Variants in PLXNA4 observed in about 807,000 individuals in gnomAD.
PLXNA4 encodes the protein plexin-A4.
In PLXNA4, 44 loss-of-function variants were observed where a neutral mutation model predicts 191.8. The ratio of observed to expected loss-of-function variants is 0.23; its 90% CI spans 0.18 to 0.29. The LOEUF is 0.29. PLXNA4 is among the 10% of genes least tolerant of loss of function. The probability of loss-of-function intolerance (pLI) is 1.00; values close to 1 mark genes in which losing one functional copy is unlikely to be tolerated. For missense variants in PLXNA4, 1,800 were observed against 2,488.8 expected (o/e 0.72, Z 5.89); for synonymous variants, 1,082 against 1,009.5 (o/e 1.07, Z -1.36).
intron 3 of PLXNA4, among the ~76,000 whole-genome samples, chr7:132,363,023 C>T (rs1487134620): frequency 2.0e-5 from 3 of 152,174 alleles, no homozygotes; most frequent in African/African-American, 4.8e-5. Flanking sequence ...CTCACTCTGT[C>T]GCCCAGGCTG....
chr7:132,455,231 C>T (rs573597434), intron 3 of PLXNA4, among the ~76,000 whole-genome samples: 45 of 152,306 alleles, frequency 3.0e-4, no homozygotes, highest in Non-Finnish European at 5.9e-4. Flanking sequence ...AAGCATGAAG[C>T]CCAGACAGCC....
At chr7:132,493,351 T>C (rs2117555800) in intron 2 of PLXNA4, among the ~76,000 whole-genome samples, 1 of 152,306 alleles carries the variant, frequency 6.6e-6, no homozygotes, top group South Asian at 2.1e-4. Context: ...GCCATGGTTA[T>C]GATAACCCTT....
At chr7:132,399,099 A>G (rs1240764084) in intron 3 of PLXNA4, among the ~76,000 whole-genome samples, 2 of 152,154 alleles carry the variant, frequency 1.3e-5, no homozygotes, top group African/African-American at 2.4e-5. Flanking sequence ...TAAAGTACAG[A>G]GGTCCCTGCT....
At chr7:132,480,157 G>T (rs1797282354) in intron 3 of PLXNA4, among the ~76,000 whole-genome samples, 1 of 152,170 alleles carries the variant, frequency 6.6e-6, no homozygotes, top group Non-Finnish European at 1.5e-5. Context: ...TAACATTTGT[G>T]AGCACACCTT....
rs367547561 is a variant in PLXNA4 at position 132,148,665 on chromosome 7, C to T, written c.4661-19G>A. The T allele has an allele frequency of 9.9e-6, 16 of 1,613,834 alleles. No homozygotes were observed. Among genetic ancestry groups the T allele is most frequent in the African/African-American group, 2.7e-5 (2 of 74,894 alleles). On this transcript the variant is annotated intron_variant, in intron 25 of 31. Coordinates refer to ENST00000321063, the MANE Select transcript of PLXNA4 (RefSeq NM_020911.2). ...CGCCACTCTGCCAAAAGAGCGGTGG[C>T]GTTTCAGAGAGGCCCTATGACCCCT...
chr7:132,344,059 T>C (rs971374286), intron 3 of PLXNA4, among the ~76,000 whole-genome samples: 11 of 152,162 alleles, frequency 7.2e-5, no homozygotes, highest in Non-Finnish European at 1.6e-4. Context: ...TAGTACCCAA[T>C]GGCCAACTTG....
At chr7:132,290,834 G>A (rs1240405798) in intron 4 of PLXNA4, among the ~76,000 whole-genome samples, 2 of 152,182 alleles carry the variant, frequency 1.3e-5, no homozygotes, top group African/African-American at 2.4e-5. Flanking sequence ...CCGGAACATG[G>A]CATTTGCTGC....
At chr7:132,276,012 G>A (rs1210807721) in intron 4 of PLXNA4, among the ~76,000 whole-genome samples, 1 of 152,168 alleles carries the variant, frequency 6.6e-6, no homozygotes, top group Non-Finnish European at 1.5e-5. Flanking sequence ...AGTGTGAACT[G>A]GCCCCTCCCT....
intron 4 of PLXNA4, among the ~76,000 whole-genome samples, chr7:132,250,082 G>C (rs1185182512): frequency 6.6e-6 from 1 of 152,194 alleles, no homozygotes. Flanking sequence ...TTTGGATCCT[G>C]GATCTGCCAC....
intron 10 of PLXNA4, among the ~76,000 whole-genome samples, chr7:132,206,384 C>T (rs111344815): frequency 1.3e-5 from 2 of 151,760 alleles, no homozygotes; most frequent in African/African-American, 4.8e-5. Flanking sequence ...GTTTCTGTGC[C>T]AGACCCTTAA....
chr7:132,306,121 C>T (rs1051182765), intron 3 of PLXNA4, among the ~76,000 whole-genome samples: 22 of 152,150 alleles, frequency 1.4e-4, no homozygotes, highest in Non-Finnish European at 1.5e-5. Context: ...GAGGTCAGGC[C>T]TTGCTCACAG....
intron 4 of PLXNA4, among the ~76,000 whole-genome samples, chr7:132,287,256 G>A (rs1429983344): frequency 3.3e-5 from 5 of 152,084 alleles, no homozygotes; most frequent in African/African-American, 7.2e-5. Flanking sequence ...GGCTGTTCTC[G>A]AACTCCTGAG....
chr7:132,334,732 A>G (rs368042798), intron 3 of PLXNA4, among the ~76,000 whole-genome samples: 10 of 152,082 alleles, frequency 6.6e-5, no homozygotes, highest in African/African-American at 2.4e-4. Flanking sequence ...TCTCCCATTC[A>G]TGTGGATAAT....
intron 3 of PLXNA4, among the ~76,000 whole-genome samples, chr7:132,489,048 C>T (rs1358081500): frequency 6.6e-6 from 1 of 152,222 alleles, no homozygotes; most frequent in Non-Finnish European, 1.5e-5. Context: ...GCTGGTCTGA[C>T]ACCTCTCATG....
chr7:132,272,050 C>T (rs550642882), intron 4 of PLXNA4, among the ~76,000 whole-genome samples: 17 of 152,234 alleles, frequency 1.1e-4, no homozygotes, highest in African/African-American at 3.6e-4. Flanking sequence ...ACACTTGTTA[C>T]CAGGAGGAGA....
chr7:132,246,768 AATCATC>A (rs34617807), intron 4 of PLXNA4, among the ~76,000 whole-genome samples: 5,032 of 149,952 alleles, frequency 0.034, 197 homozygotes, highest in East Asian at 0.096. Flanking sequence ...TTGTACATGC[AATCATC>A]ATCATCATCA....
At chr7:132,207,031 C>T (rs62468397) in intron 10 of PLXNA4, among the ~76,000 whole-genome samples, 4,656 of 152,226 alleles carry the variant, frequency 0.031, 82 homozygotes, top group Middle Eastern at 0.041. Context: ...AATGAGACCT[C>T]GATATAACTG....
chr7:132,264,060 C>T (rs1229586388), intron 4 of PLXNA4: 1 of 152,104 alleles, frequency 6.6e-6, no homozygotes, highest in Non-Finnish European at 1.5e-5. Flanking sequence ...TTCATCTGCT[C>T]GTCATTATTT....
At chr7:132,408,427 T>C (rs1016028964) in intron 3 of PLXNA4, among the ~76,000 whole-genome samples, 5 of 148,996 alleles carry the variant, frequency 3.4e-5, no homozygotes, top group African/African-American at 1.3e-4. Context: ...CAATTCTTTT[T>C]TAGCTTTGAA....
Sources: allele counts gnomAD v4.1 joint callset (sites outside exome capture counted in the v4.1 genomes callset), GRCh38; gene constraint gnomAD v4.1.1; transcripts MANE v1.5; gene names NCBI Gene and HGNC (gene_info 2026-07-23, HGNC 2026-07-21).